The following VWC2 variants were observed in gnomAD, a reference collection of about 807,000 sequenced individuals.
The protein encoded by VWC2 is von Willebrand factor C domain containing 2, also known as brorin.
Under a neutral mutation model 29.8 loss-of-function variants are expected in VWC2, and 14 were observed. That is an observed-to-expected ratio of 0.47 (90% CI 0.31 to 0.74). The LOEUF (loss-of-function observed/expected upper bound fraction) is 0.74. VWC2 is among the 30% of genes least tolerant of loss of function. The pLI is 0.05. For missense variants in VWC2, 457 were observed against 459.8 expected (o/e 0.99, Z 0.05); for synonymous variants, 213 against 199.0 (o/e 1.07, Z -0.59).
intron 2 of VWC2, 92 bp downstream of exon 2, chr7:49,776,223 T>C (rs1019059318): frequency 1.5e-5 from 17 of 1,152,810 alleles, no homozygotes; most frequent in African/African-American, 3.1e-5. Context: ...GAAGAAGAGG[T>C]GCTCTCTGGT....
intron 3 of VWC2, among the ~76,000 whole-genome samples, chr7:49,892,815 T>G (rs964974654): frequency 6.6e-5 from 10 of 152,258 alleles, no homozygotes; most frequent in Non-Finnish European, 1.5e-4. Context: ...TAAATGTTCA[T>G]CAGATCCTAA....
At chr7:49,792,366 C>A (rs1281846644) in intron 2 of VWC2, among the ~76,000 whole-genome samples, 3 of 152,196 alleles carry the variant, frequency 2.0e-5, no homozygotes, top group African/African-American at 4.8e-5. Flanking sequence ...TAATCAGGGG[C>A]AGAATTGGGC....
intron 3 of VWC2, among the ~76,000 whole-genome samples, chr7:49,810,696 T>C (rs1788988826): frequency 6.6e-6 from 1 of 152,156 alleles, no homozygotes; most frequent in Non-Finnish European, 1.5e-5. Flanking sequence ...GAATTGACAG[T>C]CCCGAAAGAA....
At chr7:49,864,544 A>G (rs6583395) in intron 3 of VWC2, among the ~76,000 whole-genome samples, 102,383 of 152,018 alleles carry the variant, frequency 0.67, 35,328 homozygotes, top group East Asian at 0.88. Flanking sequence ...AGGCCTCTGC[A>G]TGTCTCAACA....
At chr7:49,904,455 T>C (rs1792967377) in intron 3 of VWC2, among the ~76,000 whole-genome samples, 1 of 152,112 alleles carries the variant, frequency 6.6e-6, no homozygotes, top group South Asian at 2.1e-4. Flanking sequence ...AGAAAATAAA[T>C]GCACATGCAT....
In VWC2 at chr7:49,775,463, G is replaced by C. The variant is rs1305348874; in HGVS notation, c.28G>C (p.Gly10Arg). 5 of 1,375,214 alleles carry C rather than the reference G, an allele frequency of 3.6e-6. No individual in the cohort carries two copies. The highest frequency in any genetic ancestry group is 4.8e-6 in the Non-Finnish European group (5 of 1,051,540). The allele number at this position is 1,375,214 out of a possible 1,614,324, so 85.2% of individuals were successfully genotyped here. A position where few individuals can be genotyped will look rare whatever the true frequency, so the allele number is the denominator to read the frequency against. The change falls in exon 2 of 4, where the codon GGC becomes CGC. Residue 10 changes from glycine (G) to arginine (R), a missense_variant. Transcript: ENST00000340652. ...GCCCAGCTCCACTGCGATGGCAGTT[G>C]GCGCGCTCTCCAGTTCCCTCCTGGT... is the stretch of plus-strand genomic sequence containing the variant. MPSSTAMAV[G>R]ALSSSLLVTC...
At chr7:49,910,708 G>GATATATTT (rs1208700880) in intron 3 of VWC2, among the ~76,000 whole-genome samples, 1 of 152,214 alleles carries the variant, frequency 6.6e-6, no homozygotes, top group African/African-American at 2.4e-5. Context: ...TTTGTTGGCT[G>GATATATTT]ATATATTATA....
rs958616824 is a variant in VWC2 at position 49,918,628 on chromosome 7, C to A, written c.*6443C>A. 6.6e-6 allele frequency: 1 copy of A among 152,120 alleles called. No homozygotes were observed. Among genetic ancestry groups the A allele is most frequent in the African/African-American group, 2.4e-5 (1 of 41,424 alleles). The allele number at this position is 152,120 out of a possible 1,614,324, so 9.4% of individuals were successfully genotyped here. ...ATATTGTGACCCAGTTTTTCTGGAGCCAAGAGAAGTAAACTGCCATTTATT... is the reference window on the plus strand; with the variant it reads ...ATATTGTGACCCAGTTTTTCTGGAGACAAGAGAAGTAAACTGCCATTTATT... On this transcript the variant is annotated 3_prime_UTR_variant, in exon 4 of 4. Transcript: ENST00000340652.
chr7:49,878,146 C>T (rs764166396), intron 3 of VWC2, among the ~76,000 whole-genome samples: 5 of 152,138 alleles, frequency 3.3e-5, no homozygotes, highest in Non-Finnish European at 7.4e-5. Context: ...ACAGCCTGGG[C>T]CACACTCAGG....
intron 2 of VWC2, among the ~76,000 whole-genome samples, chr7:49,801,654 G>A (rs75362411): frequency 0.04 from 6,054 of 152,328 alleles, 175 homozygotes; most frequent in Admixed American, 0.054. Flanking sequence ...AGAGCATCGT[G>A]ATGCTGGATA....
intron 2 of VWC2, among the ~76,000 whole-genome samples, chr7:49,783,797 C>T (rs1788231033): frequency 6.6e-6 from 1 of 152,124 alleles, no homozygotes. Context: ...TGCCTATAAT[C>T]CCGGCAGTTC....
chr7:49,825,862 C>T (rs1757291351), intron 3 of VWC2, among the ~76,000 whole-genome samples: 1 of 152,216 alleles, frequency 6.6e-6, no homozygotes, highest in African/African-American at 2.4e-5. Context: ...CCTCACTGTA[C>T]ATGCTTATTC....
intron 3 of VWC2, among the ~76,000 whole-genome samples, chr7:49,901,633 G>T (rs1792732958): frequency 6.6e-6 from 1 of 151,812 alleles, no homozygotes; most frequent in African/African-American, 2.4e-5. Flanking sequence ...TTGAGCAATA[G>T]ATTCAACACA....
At chr7:49,807,822 A>G in intron 3 of VWC2, among the ~76,000 whole-genome samples, 1 of 152,200 alleles carries the variant, frequency 6.6e-6, no homozygotes, top group East Asian at 1.9e-4. Flanking sequence ...AAACAAGCAC[A>G]ATATAGCCCA....
intron 3 of VWC2, among the ~76,000 whole-genome samples, chr7:49,828,988 C>T (rs1789465557): frequency 6.6e-6 from 1 of 152,180 alleles, no homozygotes; most frequent in South Asian, 2.1e-4. Flanking sequence ...CCCACGGAAC[C>T]CACACCAAGG....
intron 3 of VWC2, among the ~76,000 whole-genome samples, chr7:49,861,592 C>A (rs1036474544): frequency 1.3e-5 from 2 of 152,088 alleles, no homozygotes; most frequent in Admixed American, 1.3e-4. Context: ...AAGATTTAAA[C>A]CTTTATTTTC....
In VWC2 at chr7:49,775,360, G is replaced by C; in HGVS notation, c.-76G>C. On this transcript the variant is annotated 5_prime_UTR_variant, in exon 2 of 4. Transcript: ENST00000340652. ...ACGGCGGCTCCCGGCTGGCGGCGGC[G>C]CGCCCCCGGGCTGTGAATGCGACTC... 1.7e-6 allele frequency: 2 copies of C among 1,199,106 alleles called. No homozygotes were observed. Among genetic ancestry groups the C allele is most frequent in the Non-Finnish European group, 1.1e-6 (1 of 943,880 alleles). The allele number at this position is 1,199,106 out of a possible 1,614,324, so 74.3% of individuals were successfully genotyped here. A position where few individuals can be genotyped will look rare whatever the true frequency, so the allele number is the denominator to read the frequency against.
chr7:49,875,447 A>C (rs900296886), intron 3 of VWC2, among the ~76,000 whole-genome samples: 18 of 151,664 alleles, frequency 1.2e-4, no homozygotes, highest in Admixed American at 6.6e-4. Context: ...GGAAAAAAAA[A>C]AGTATTTGAA....
At chr7:49,843,719 G>T (rs1297029058) in intron 3 of VWC2, among the ~76,000 whole-genome samples, 1 of 152,192 alleles carries the variant, frequency 6.6e-6, no homozygotes, top group African/African-American at 2.4e-5. Flanking sequence ...TAGAGACAAG[G>T]TCATAGAAGC....
Sources: gnomAD v4.1 joint callset for allele counts (sites outside exome capture counted in the v4.1 genomes callset) on GRCh38, gnomAD v4.1.1 for gene constraint, MANE v1.5 for transcripts, NCBI Gene and HGNC (gene_info 2026-07-23, HGNC 2026-07-21) for gene names.